The following FAM171A1 variants were observed in gnomAD, a reference collection of about 807,000 sequenced individuals.
The protein encoded by FAM171A1 is protein FAM171A1.
Under a neutral mutation model 74.9 loss-of-function variants are expected in FAM171A1, and 23 were observed. The ratio of observed to expected loss-of-function variants is 0.31; its 90% CI spans 0.22 to 0.44. FAM171A1 has a LOEUF of 0.44. Ranked by LOEUF, FAM171A1 falls within the 20% of genes least tolerant of loss-of-function variation. The pLI, the probability that FAM171A1 is intolerant of heterozygous loss-of-function variation, is 1.00. For missense variants in FAM171A1, 1,162 were observed against 1,159.2 expected, an observed-to-expected ratio of 1.00 and a Z score of -0.03; for synonymous variants, 527 against 505.7, an observed-to-expected ratio of 1.04 and a Z score of -0.57.
At chr10:15,334,982 C>T (rs1835683819) in intron 1 of FAM171A1, among the ~76,000 whole-genome samples, 1 of 152,230 alleles carries the variant, frequency 6.6e-6, no homozygotes, top group Admixed American at 6.5e-5. Flanking sequence ...TGGCTCACGC[C>T]TGCAATCCTA....
chr10:15,367,221 A>C (rs1343015598), intron 1 of FAM171A1, among the ~76,000 whole-genome samples: 4 of 151,140 alleles, frequency 2.6e-5, no homozygotes, highest in South Asian at 2.1e-4. Flanking sequence ...CAAACAAACA[A>C]ACACACACAC....
At chr10:15,327,023 A>G (rs1408131452) in intron 1 of FAM171A1, among the ~76,000 whole-genome samples, 1 of 152,182 alleles carries the variant, frequency 6.6e-6, no homozygotes, top group Non-Finnish European at 1.5e-5. Flanking sequence ...ATAGCCAACC[A>G]TCTCTTTCCT....
chr10:15,312,478 A>G (rs1286654707), intron 1 of FAM171A1, among the ~76,000 whole-genome samples: 1 of 150,372 alleles, frequency 6.7e-6, no homozygotes, highest in Non-Finnish European at 1.5e-5. Context: ...GTGGGGCAAC[A>G]CTGGGGGTAT....
rs1834304864 is a variant in FAM171A1 at position 15,237,338 on chromosome 10, G to A, written c.754+11301C>T. Among the ~76,000 whole-genome samples, 5 of 152,130 alleles carry A rather than the reference G, an allele frequency of 3.3e-5. No homozygotes were observed. In the South Asian group the frequency reaches 1.0e-3, roughly 32 times the overall value. On this transcript the variant is annotated intron_variant, in intron 5 of 7. Transcript: ENST00000378116. ...GTGCCCCCTGAACCCGATCATACTA[G>A]AACAAATGTGATGCTATTATTTTAT...
At chr10:15,264,726 T>C (rs940093016) in intron 3 of FAM171A1, among the ~76,000 whole-genome samples, 1 of 152,004 alleles carries the variant, frequency 6.6e-6, no homozygotes, top group African/African-American at 2.4e-5. Flanking sequence ...GAGGGTGCAG[T>C]GAGCTGAGAT....
At chr10:15,299,803 C>G (rs552348929) in intron 1 of FAM171A1, among the ~76,000 whole-genome samples, 1 of 152,070 alleles carries the variant, frequency 6.6e-6, no homozygotes, top group Non-Finnish European at 1.5e-5. Context: ...ACGATGAAAC[C>G]CTGTCTCTCC....
In FAM171A1 at chr10:15,212,962, A is replaced by T; in HGVS notation, c.2626T>A (p.Trp876Arg). The T allele has an allele frequency of 6.2e-7, 1 of 1,614,090 alleles. No homozygotes were observed. The highest frequency in any genetic ancestry group is 8.5e-7 in the Non-Finnish European group (1 of 1,180,022). Residue 876 changes from tryptophan (W) to arginine (R), a missense_variant, in exon 8 of 8, where the codon TGG becomes AGG. By Grantham distance (101) the Trp-to-Arg change is moderately radical. Coordinates refer to ENST00000378116, the MANE Select transcript of FAM171A1 (RefSeq NM_001010924.2). ...AGGGGCCTCTCCTCCCGTTTCTGCC[A>T]GGGGCTTTTCTTGTCTTCTCCTTGG... ...DDQGEDKKSPWQKREERPLMA... is the reference protein window; with the variant it reads ...DDQGEDKKSPRQKREERPLMA...
intron 1 of FAM171A1, among the ~76,000 whole-genome samples, chr10:15,356,175 T>C (rs60929771): frequency 0.022 from 3,395 of 151,626 alleles, 117 homozygotes; most frequent in African/African-American, 0.077. Flanking sequence ...AAAATGAATG[T>C]GCTATATTTT....
At chr10:15,334,105 C>T (rs768318337) in intron 1 of FAM171A1, among the ~76,000 whole-genome samples, 2 of 152,202 alleles carry the variant, frequency 1.3e-5, no homozygotes, top group Admixed American at 6.5e-5. Flanking sequence ...CAAATGAACT[C>T]GCCCAGATGT....
chr10:15,347,102 T>C (rs1835825366), intron 1 of FAM171A1, among the ~76,000 whole-genome samples: 1 of 152,210 alleles, frequency 6.6e-6, no homozygotes, highest in Non-Finnish European at 1.5e-5. Flanking sequence ...TCAGGCATTC[T>C]GCATCTCTGA....
intron 5 of FAM171A1, among the ~76,000 whole-genome samples, chr10:15,227,663 CA>C (rs748342308): frequency 6.6e-6 from 1 of 152,208 alleles, no homozygotes; most frequent in Non-Finnish European, 1.5e-5. Flanking sequence ...TTATAGGCAT[CA>C]GTCACCATGC....
At position 15,215,976 on chromosome 10, in the gene FAM171A1, C is replaced by A; in HGVS notation, c.986+20G>T. ...AAACTGTGAATTAAAAAAGATATTG[C>A]CAAAATGGTAACACTTTACCTGCAA... On this transcript the variant is annotated intron_variant, in intron 7 of 7. Coordinates refer to ENST00000378116, the MANE Select transcript of FAM171A1 (RefSeq NM_001010924.2). The A allele has an allele frequency of 6.6e-7, 1 of 1,512,304 alleles. No individual in the cohort carries two copies. The highest frequency in any genetic ancestry group is 9.0e-7 in the Non-Finnish European group (1 of 1,113,768). 93.7% of individuals were successfully genotyped at this position (1,512,304 alleles called of 1,614,324 possible). A position where few individuals can be genotyped will look rare whatever the true frequency, so the allele number is the denominator to read the frequency against.
chr10:15,292,914 T>G lies in FAM171A1; in HGVS notation c.98-8809A>C, dbSNP rs960507822. Among the ~76,000 whole-genome samples the G allele has an allele frequency of 4.0e-5, 6 of 148,842 alleles. No homozygotes were observed. In the South Asian group the frequency reaches 1.3e-3, roughly 32 times the overall value. On this transcript the variant is annotated intron_variant, in intron 1 of 7. Transcript: ENST00000378116. ...TACCCAGCACTTATTCAATTTTTTT[T>G]GATTACCTAAAAACATTTTTAAAAA...
chr10:15,348,088 C>T (rs1026632589), intron 1 of FAM171A1, among the ~76,000 whole-genome samples: 3 of 152,102 alleles, frequency 2.0e-5, no homozygotes, highest in African/African-American at 7.2e-5. Context: ...AGCGAGTCTC[C>T]TGGCTCAGCC....
At chr10:15,357,171 T>A (rs1031690722) in intron 1 of FAM171A1, among the ~76,000 whole-genome samples, 3 of 151,944 alleles carry the variant, frequency 2.0e-5, no homozygotes, top group Admixed American at 6.6e-5. Context: ...TAATCCCAGC[T>A]ACTCGGGAGG....
At chr10:15,233,672 G>T (rs571090161) in intron 5 of FAM171A1, among the ~76,000 whole-genome samples, 1 of 152,230 alleles carries the variant, frequency 6.6e-6, no homozygotes, top group Admixed American at 6.5e-5. Flanking sequence ...GGGAGGCCGA[G>T]GTGGGTGGAT....
intron 5 of FAM171A1, among the ~76,000 whole-genome samples, chr10:15,244,597 C>T (rs1834407246): frequency 6.6e-6 from 1 of 152,142 alleles, no homozygotes; most frequent in Non-Finnish European, 1.5e-5. Context: ...TAGTTGGGTA[C>T]CTAGCATTAT....
intron 3 of FAM171A1, among the ~76,000 whole-genome samples, chr10:15,263,848 CATCTATCT>C (rs56341083): frequency 0.29 from 41,241 of 143,574 alleles, 6,184 homozygotes; most frequent in Middle Eastern, 0.32. Context: ...ACATTTATCT[CATCTATCT>C]ATCTATCTAT....
chr10:15,214,752 C>T (rs1223028820), intron 7 of FAM171A1, 151 bp from the exon 8 acceptor site: 7 of 1,043,694 alleles, frequency 6.7e-6, no homozygotes, highest in Non-Finnish European at 9.2e-6. Flanking sequence ...TCACCCCACG[C>T]CCTGTCTTTT....
Sources: gnomAD v4.1 joint callset for allele counts (sites outside exome capture counted in the v4.1 genomes callset) on GRCh38, gnomAD v4.1.1 for gene constraint, MANE v1.5 for transcripts, NCBI Gene and HGNC (gene_info 2026-07-23, HGNC 2026-07-21) for gene names.